The following SCN7A variants were observed in gnomAD, a reference collection of about 807,000 sequenced individuals.
The protein encoded by SCN7A is sodium channel protein type 7 subunit alpha.
In SCN7A, 138 loss-of-function variants were observed where a neutral mutation model predicts 155.2. That is an observed-to-expected ratio of 0.89 (90% confidence interval 0.77 to 1.02). SCN7A has a LOEUF of 1.02. Among genes scored for constraint, SCN7A ranks in the 50% least tolerant of loss-of-function variants. SCN7A has a pLI of 0.00. For missense variants in SCN7A, 2,058 were observed against 1,986.6 expected, an observed-to-expected ratio of 1.04 and a Z score of -0.68; for synonymous variants, 693 against 649.0, an observed-to-expected ratio of 1.07 and a Z score of -1.03.
chr2:166,446,708 A>G (rs1702071238), intron 12 of SCN7A, among the ~76,000 whole-genome samples: 1 of 152,192 alleles, frequency 6.6e-6, no homozygotes, highest in South Asian at 2.1e-4. Flanking sequence ...GAATGAGTTT[A>G]TGTCCTTTGC....
In SCN7A at chr2:166,437,929, A is replaced by T. The variant is rs139695202; in HGVS notation, c.2157+3467T>A. Among the ~76,000 whole-genome samples, 34 of 152,152 alleles carry T rather than the reference A, an allele frequency of 2.2e-4. 1 individual carries two copies. In the East Asian group the frequency reaches 6.0e-3, roughly 27 times the overall value. On this transcript the variant is annotated intron_variant, in intron 15 of 25. Coordinates refer to ENST00000643258, the MANE Select transcript of SCN7A (RefSeq NM_002976.4). Reference sequence around the variant, plus strand: ...TTTTACAGGCTCATAGGTGGAAGGGACTTATCTCAGATGAGACTTTGGACT... The same window carrying T: ...TTTTACAGGCTCATAGGTGGAAGGGTCTTATCTCAGATGAGACTTTGGACT...
At chr2:166,493,627 T>C (rs1326814059) in intron 1 of SCN7A, among the ~76,000 whole-genome samples, 2 of 152,188 alleles carry the variant, frequency 1.3e-5, no homozygotes, top group Non-Finnish European at 2.9e-5. Context: ...CTTTCCTCCA[T>C]TTTATACTAT....
intron 16 of SCN7A, among the ~76,000 whole-genome samples, chr2:166,431,903 A>G (rs1701739508): frequency 6.6e-6 from 1 of 152,076 alleles, no homozygotes; most frequent in Non-Finnish European, 1.5e-5. Context: ...AAGCCCATGG[A>G]AATTTAGTGA....
chr2:166,421,104 G>A (rs1701501151), intron 20 of SCN7A, 86 bp downstream of exon 20: 7 of 827,432 alleles, frequency 8.5e-6, no homozygotes, highest in Admixed American at 3.1e-5. Context: ...AGGTACAAAC[G>A]AGAAGAAAAC....
At chr2:166,461,324 A>C (rs939209376) in intron 10 of SCN7A, among the ~76,000 whole-genome samples, 2 of 152,124 alleles carry the variant, frequency 1.3e-5, no homozygotes, top group Non-Finnish European at 2.9e-5. Flanking sequence ...AGTTAGAGTA[A>C]TGCTGCTTTG....
intron 11 of SCN7A, among the ~76,000 whole-genome samples, chr2:166,456,238 G>A (rs1223436479): frequency 6.6e-6 from 1 of 152,084 alleles, no homozygotes; most frequent in Non-Finnish European, 1.5e-5. Context: ...ATAGCATTAG[G>A]AGAAATATCT....
chr2:166,414,219 TATAA>T (rs1443828306), intron 21 of SCN7A, among the ~76,000 whole-genome samples: 2 of 99,490 alleles, frequency 2.0e-5, no homozygotes, highest in Non-Finnish European at 3.7e-5. Context: ...TGTAAATATA[TATAA>T]ATATATATAT....
rs555217799 is a variant in SCN7A at position 166,487,474 on chromosome 2, T to G, written c.-127-506A>C. On this transcript the variant is annotated intron_variant, in intron 1 of 25. Transcript: ENST00000643258. ...TTTCTAGAGCACAGCCTGCCAGCAA[T>G]GCACTCAAGCTGTGGAGAGAGATTC... is the stretch of plus-strand genomic sequence containing the variant. Among the ~76,000 whole-genome samples the G allele has an allele frequency of 4.4e-3, 669 of 152,270 alleles. 9 individuals are homozygous for G. The highest frequency in any genetic ancestry group is 4.9e-3 in the Non-Finnish European group (335 of 68,026).
chr2:166,437,664 G>A (rs559098709), intron 15 of SCN7A, among the ~76,000 whole-genome samples: 2 of 152,296 alleles, frequency 1.3e-5, no homozygotes, highest in South Asian at 4.1e-4. Flanking sequence ...CAAAGACACA[G>A]GGATGGAGCT....
chr2:166,487,624 T>TTGA (rs1337686674), intron 1 of SCN7A, among the ~76,000 whole-genome samples: 1 of 151,898 alleles, frequency 6.6e-6, no homozygotes, highest in African/African-American at 2.4e-5. Flanking sequence ...GAAACTGGAG[T>TTGA]TGATCCTAGG....
At chr2:166,411,125 T>C (rs915801903) in intron 23 of SCN7A, among the ~76,000 whole-genome samples, 2 of 152,096 alleles carry the variant, frequency 1.3e-5, no homozygotes, top group African/African-American at 4.8e-5. Context: ...GTGATTGATA[T>C]ACAGTAGTCC....
At chr2:166,433,478 C>T (rs1559100895) in intron 15 of SCN7A, among the ~76,000 whole-genome samples, 1 of 152,112 alleles carries the variant, frequency 6.6e-6, no homozygotes, top group Non-Finnish European at 1.5e-5. Flanking sequence ...ATTTTAAGCT[C>T]ATGACATCCT....
Position 166,405,546 on chromosome 2 carries a change from T to C in SCN7A, c.*34A>G. On this transcript the variant is annotated 3_prime_UTR_variant, in exon 26 of 26. Transcript: ENST00000643258. ...TTAGGCTTTCAACATTTTTCAGATA[T>C]GTGAAGAAATATGAAAAGAGGTGGT... 1.4e-6 allele frequency: 2 copies of C among 1,416,780 alleles called. No individual in the cohort carries two copies. Among genetic ancestry groups the C allele is most frequent in the East Asian group, 2.3e-5 (1 of 43,412 alleles). 87.8% of individuals were successfully genotyped at this position (1,416,780 alleles called of 1,614,324 possible).
chr2:166,463,774 C>T (rs981313337), intron 9 of SCN7A, among the ~76,000 whole-genome samples: 5 of 152,050 alleles, frequency 3.3e-5, no homozygotes, highest in East Asian at 1.9e-4. Context: ...TGAGGCCAGG[C>T]GCAGGGTGCA....
intron 2 of SCN7A, among the ~76,000 whole-genome samples, chr2:166,482,862 T>C (rs1436176750): frequency 2.6e-5 from 4 of 152,052 alleles, no homozygotes; most frequent in East Asian, 1.9e-4. Context: ...CATTAAATCA[T>C]AATTCAGCAA....
chr2:166,446,533 G>A (rs1394497188), intron 12 of SCN7A, among the ~76,000 whole-genome samples: 1 of 152,064 alleles, frequency 6.6e-6, no homozygotes, highest in Non-Finnish European at 1.5e-5. Context: ...TATATCCAAG[G>A]GATTATGAAT....
intron 1 of SCN7A, among the ~76,000 whole-genome samples, chr2:166,492,941 T>C (rs959705808): frequency 9.9e-5 from 15 of 152,204 alleles, no homozygotes; most frequent in Admixed American, 9.8e-4. Context: ...AGTTTTGTAG[T>C]TCTAAATCCC....
chr2:166,427,678 C>G lies in SCN7A; in HGVS notation c.2853+110G>C. ...TTATGAAATTTGGTGCTATTTGGTG[C>G]TATACTAAATATCCTTGGAAATGTA... On this transcript the variant is annotated intron_variant, in intron 18 of 25. Transcript: ENST00000643258. 6.6e-6 allele frequency: 6 copies of G among 905,382 alleles called. No individual in the cohort carries two copies. The South Asian group carries it at 1.3e-4, about 19-fold the overall frequency. The allele number at this position is 905,382 out of a possible 1,614,324, so 56.1% of individuals were successfully genotyped here.
At chr2:166,472,590 C>T (rs980920995) in intron 5 of SCN7A, 145 bp from the exon 6 acceptor site, 5 of 601,160 alleles carry the variant, frequency 8.3e-6, no homozygotes, top group Non-Finnish European at 1.4e-5. Flanking sequence ...CCAAAACCAA[C>T]CAACCACCAA....
Sources: gnomAD v4.1 joint callset for allele counts (sites outside exome capture counted in the v4.1 genomes callset) on GRCh38, gnomAD v4.1.1 for gene constraint, MANE v1.5 for transcripts, NCBI Gene and HGNC (gene_info 2026-07-23, HGNC 2026-07-21) for gene names.